Variants in SGCZ observed in about 807,000 individuals in gnomAD.
SGCZ encodes zeta-sarcoglycan.
Under a neutral mutation model 41.3 loss-of-function variants are expected in SGCZ, and 40 were observed. The ratio of observed to expected loss-of-function variants is 0.97; its 90% CI spans 0.75 to 1.26. SGCZ has a LOEUF of 1.26. Ranked by LOEUF, SGCZ falls within the 50% of genes most tolerant of loss-of-function variation. SGCZ has a pLI of 0.00. For synonymous variants in SGCZ, 206 were observed against 137.5 expected, an observed-to-expected ratio of 1.50 and a Z score of -3.49; for missense variants, 552 against 369.8, an observed-to-expected ratio of 1.49 and a Z score of -4.04.
At chr8:15,072,637 G>C (rs561376442) in intron 1 of SGCZ, among the ~76,000 whole-genome samples, 3 of 152,280 alleles carry the variant, frequency 2.0e-5, no homozygotes, top group South Asian at 4.1e-4. Context: ...TTATGACATG[G>C]TTTTAACCAG....
chr8:15,013,851 G>A (rs149618649), intron 1 of SGCZ, among the ~76,000 whole-genome samples: 5 of 152,326 alleles, frequency 3.3e-5, no homozygotes, highest in African/African-American at 4.8e-5. Flanking sequence ...AGGCATGTTT[G>A]TGGGAAGCAT....
intron 3 of SGCZ, among the ~76,000 whole-genome samples, chr8:14,277,733 T>C (rs1163040434): frequency 6.6e-6 from 1 of 152,096 alleles, no homozygotes; most frequent in African/African-American, 2.4e-5. Flanking sequence ...TTCCTAATCT[T>C]CTCTTGTTTC....
At chr8:15,170,055 T>C (rs1286419496) in intron 1 of SGCZ, among the ~76,000 whole-genome samples, 1 of 152,260 alleles carries the variant, frequency 6.6e-6, no homozygotes, top group Non-Finnish European at 1.5e-5. Context: ...AACTGAGTGG[T>C]TTATCATTCA....
At chr8:14,279,245 A>T (rs551252584) in intron 3 of SGCZ, among the ~76,000 whole-genome samples, 142 of 152,138 alleles carry the variant, frequency 9.3e-4, no homozygotes, top group African/African-American at 3.3e-3. Flanking sequence ...AATTTAGATT[A>T]AAAAAATTCA....
intron 4 of SGCZ, among the ~76,000 whole-genome samples, chr8:14,210,441 T>G (rs950698588): frequency 2.7e-5 from 4 of 149,254 alleles, no homozygotes; most frequent in African/African-American, 1.0e-4. Flanking sequence ...TCTAGTACAC[T>G]TAAAATAGTA....
intron 4 of SGCZ, among the ~76,000 whole-genome samples, chr8:14,193,286 G>A (rs1034367631): frequency 1.3e-5 from 2 of 151,612 alleles, no homozygotes; most frequent in Non-Finnish European, 3.0e-5. Flanking sequence ...TTTAGCAGAG[G>A]CAAGCACAAA....
intron 1 of SGCZ, among the ~76,000 whole-genome samples, chr8:15,001,472 G>A (rs1020867290): frequency 3.9e-5 from 6 of 152,138 alleles, no homozygotes; most frequent in Non-Finnish European, 5.9e-5. Context: ...GCTCACGCCC[G>A]CAATCCCAGC....
chr8:14,272,751 A>G (rs930247323), intron 3 of SGCZ, among the ~76,000 whole-genome samples: 3 of 152,122 alleles, frequency 2.0e-5, no homozygotes, highest in Non-Finnish European at 4.4e-5. Flanking sequence ...TGAATTCATA[A>G]TATTGGTGAA....
At chr8:14,105,524 C>G (rs1340956544) in intron 6 of SGCZ, among the ~76,000 whole-genome samples, 1 of 151,998 alleles carries the variant, frequency 6.6e-6, no homozygotes, top group African/African-American at 2.4e-5. Context: ...GTCAGCAAGG[C>G]TTGTAAAGTT....
At chr8:14,157,224 T>C (rs1273218976) in intron 5 of SGCZ, among the ~76,000 whole-genome samples, 1 of 150,890 alleles carries the variant, frequency 6.6e-6, no homozygotes, top group African/African-American at 2.4e-5. Flanking sequence ...AATGTATATG[T>C]GGTCCTTCAT....
intron 7 of SGCZ, 150 bp from the exon 8 acceptor site, chr8:14,090,787 C>A: frequency 1.4e-6 from 1 of 693,186 alleles, no homozygotes; most frequent in Admixed American, 3.0e-5. Context: ...AAACAAATTA[C>A]ATTCCTACAG....
At position 14,222,141 on chromosome 8, in the gene SGCZ, A is replaced by G. The variant is rs562308229; in HGVS notation, c.424+15451T>C. Among the ~76,000 whole-genome samples, 9 of 152,136 alleles carry G rather than the reference A, an allele frequency of 5.9e-5. No individual in the cohort carries two copies. The South Asian group carries it at 1.7e-3, about 28-fold the overall frequency. On this transcript the variant is annotated intron_variant, in intron 4 of 7. Coordinates refer to ENST00000382080, the MANE Select transcript of SGCZ (RefSeq NM_139167.4). Reference sequence around the variant, plus strand: ...CTTTAGTTGTTATTTACATTACTTCAGGTTTTTGTTGTTGTTGTTGCTGTT... The same window carrying G: ...CTTTAGTTGTTATTTACATTACTTCGGGTTTTTGTTGTTGTTGTTGCTGTT...
intron 1 of SGCZ, among the ~76,000 whole-genome samples, chr8:15,212,136 A>G (rs954388480): frequency 3.3e-5 from 5 of 152,162 alleles, no homozygotes; most frequent in African/African-American, 1.2e-4. Context: ...ATGGATGCCT[A>G]AATAACAATA....
At chr8:14,981,191 C>T (rs1014767231) in intron 1 of SGCZ, among the ~76,000 whole-genome samples, 2 of 152,180 alleles carry the variant, frequency 1.3e-5, no homozygotes, top group African/African-American at 4.8e-5. Context: ...TTAAATTTCC[C>T]CTCAGCCACT....
chr8:14,140,095 A>T (rs1201105091), intron 5 of SGCZ, among the ~76,000 whole-genome samples: 25 of 152,230 alleles, frequency 1.6e-4, no homozygotes, highest in Non-Finnish European at 1.5e-5. Context: ...CAATAGATGC[A>T]GAAAATACCT....
At chr8:14,359,577 T>C (rs904967238) in intron 2 of SGCZ, among the ~76,000 whole-genome samples, 2 of 151,984 alleles carry the variant, frequency 1.3e-5, no homozygotes, top group African/African-American at 4.8e-5. Flanking sequence ...TCAAGATAAA[T>C]TTTGGAAACT....
intron 1 of SGCZ, among the ~76,000 whole-genome samples, chr8:15,106,413 C>A (rs531765579): frequency 2.0e-4 from 30 of 152,008 alleles, no homozygotes; most frequent in Admixed American, 1.6e-3. Context: ...TGATTCAAAT[C>A]TCATTCATAT....
At chr8:14,133,702 T>C (rs1368584595) in intron 5 of SGCZ, among the ~76,000 whole-genome samples, 2 of 152,330 alleles carry the variant, frequency 1.3e-5, no homozygotes, top group East Asian at 3.9e-4. Flanking sequence ...GCTGTAAACC[T>C]TTGACTCTTT....
intron 2 of SGCZ, among the ~76,000 whole-genome samples, chr8:14,335,218 T>C (rs1204282212): frequency 6.6e-6 from 1 of 152,130 alleles, no homozygotes; most frequent in Non-Finnish European, 1.5e-5. Context: ...CCTCTTAGAC[T>C]AAAGAAGTCC....
Sources: gnomAD v4.1 joint callset for allele counts (sites outside exome capture counted in the v4.1 genomes callset) on GRCh38, gnomAD v4.1.1 for gene constraint, MANE v1.5 for transcripts, NCBI Gene and HGNC (gene_info 2026-07-23, HGNC 2026-07-21) for gene names.